THOC7: variants seen among roughly 807,000 people sequenced by gnomAD.
The protein encoded by THOC7 is NIF3L1-binding protein 1.
THOC7 carries 22 observed loss-of-function variants against 33.1 expected under a neutral mutation model. The observed-to-expected ratio is 0.66, with a 90% CI of 0.47 to 0.95. The LOEUF (loss-of-function observed/expected upper bound fraction) is 0.95, where lower values mean the gene tolerates loss of function less well. Among genes scored for constraint, THOC7 ranks in the 40% least tolerant of loss-of-function variants. The pLI is 0.00. For synonymous variants in THOC7, 77 were observed against 76.8 expected, an observed-to-expected ratio of 1.00 and a Z score of -0.01; for missense variants, 184 against 245.3, an observed-to-expected ratio of 0.75 and a Z score of 1.67.
At chr3:63,853,258 G>A (rs574731295) in intron 1 of THOC7, among the ~76,000 whole-genome samples, 1 of 152,108 alleles carries the variant, frequency 6.6e-6, no homozygotes, top group Admixed American at 6.5e-5. Context: ...CAACATTGGG[G>A]TGGCACAAGT....
chr3:63,838,310 G>T, intron 3 of THOC7, 62 bp downstream of exon 3: 1 of 1,167,010 alleles, frequency 8.6e-7, no homozygotes, highest in Non-Finnish European at 1.2e-6. Context: ...ATTGTTAGCA[G>T]GTATTGTTTC....
intron 1 of THOC7, among the ~76,000 whole-genome samples, chr3:63,847,226 T>C (rs1030652871): frequency 1.3e-5 from 2 of 152,210 alleles, no homozygotes; most frequent in African/African-American, 2.4e-5. Context: ...TGGTATGTAT[T>C]GGTATAAATG....
intron 5 of THOC7, 94 bp downstream of exon 5, chr3:63,836,207 C>A: frequency 1.7e-6 from 2 of 1,178,980 alleles, no homozygotes; most frequent in South Asian, 1.5e-5. Flanking sequence ...CCTTTTGAAA[C>A]ATATTTATTT....
chr3:63,861,953 G>A (rs1308651542), intron 1 of THOC7: 1 of 152,094 alleles, frequency 6.6e-6, no homozygotes, highest in Non-Finnish European at 1.5e-5. Context: ...CACTGTGCCA[G>A]ACCAATTTTT....
At chr3:63,858,650 C>T (rs2107166265) in intron 1 of THOC7, among the ~76,000 whole-genome samples, 1 of 152,248 alleles carries the variant, frequency 6.6e-6, no homozygotes, top group South Asian at 2.1e-4. Context: ...ATTTAGCATC[C>T]TTTAAATTAA....
chr3:63,849,159 G>A (rs1475628901), intron 1 of THOC7, among the ~76,000 whole-genome samples: 1 of 152,124 alleles, frequency 6.6e-6, no homozygotes, highest in Non-Finnish European at 1.5e-5. Flanking sequence ...GGCCAAGGCG[G>A]GTGGATCATC....
At chr3:63,834,351 G>A (rs1701583734) in intron 7 of THOC7, 152 bp from the exon 8 acceptor site, 1 of 731,698 alleles carries the variant, frequency 1.4e-6, no homozygotes, top group Non-Finnish European at 2.1e-6. Flanking sequence ...TTATGTGATA[G>A]ACTTCACTTA....
intron 1 of THOC7, among the ~76,000 whole-genome samples, chr3:63,849,228 A>G (rs1432599012): frequency 2.6e-5 from 4 of 152,204 alleles, no homozygotes; most frequent in Non-Finnish European, 4.4e-5. Context: ...CTCTACTAAA[A>G]ATACAATAAA....
intron 1 of THOC7, among the ~76,000 whole-genome samples, chr3:63,847,929 G>A (rs950812573): frequency 6.6e-6 from 1 of 152,114 alleles, no homozygotes; most frequent in Non-Finnish European, 1.5e-5. Flanking sequence ...AGGCCATGAT[G>A]GGAATGGGGG....
Position 63,835,359 on chromosome 3 carries a change from G to A in THOC7, c.442C>T (p.His148Tyr), listed in dbSNP as rs754716011. The A allele has an allele frequency of 2.5e-6, 4 of 1,613,428 alleles. No homozygotes were observed. The East Asian group carries it at 8.9e-5, about 36-fold the overall frequency. ...ELEALGKELE[H>Y]LSHIKESVED... The stretch of plus-strand genomic sequence containing the variant: ...ACACTTTCTTTAATGTGTGAAAGAT[G>A]CTCTAATTCTTTTCCCAGAGCCTCT... The change falls in exon 6 of 8, where the codon CAT becomes TAT. Residue 148 changes from histidine to tyrosine, a missense_variant. Coordinates refer to ENST00000295899, the MANE Select transcript of THOC7 (RefSeq NM_025075.4).
chr3:63,834,692 A>G (rs1013574055), intron 7 of THOC7, among the ~76,000 whole-genome samples: 1 of 151,866 alleles, frequency 6.6e-6, no homozygotes, highest in East Asian at 1.9e-4. Context: ...AATGGGTCTT[A>G]GGCTATTCTT....
At chr3:63,854,026 T>C (rs952368419) in intron 1 of THOC7, among the ~76,000 whole-genome samples, 2 of 152,208 alleles carry the variant, frequency 1.3e-5, no homozygotes, top group African/African-American at 4.8e-5. Flanking sequence ...TTTATGCATA[T>C]CAAGTTTTGC....
intron 1 of THOC7, among the ~76,000 whole-genome samples, chr3:63,840,688 T>C (rs73120894): frequency 0.17 from 25,880 of 152,244 alleles, 2,756 homozygotes; most frequent in East Asian, 0.25. Flanking sequence ...TGAGCTAGTG[T>C]TCTTTCCTGG....
chr3:63,850,775 G>A (rs1702005204), intron 1 of THOC7, among the ~76,000 whole-genome samples: 1 of 151,588 alleles, frequency 6.6e-6, no homozygotes, highest in Non-Finnish European at 1.5e-5. Flanking sequence ...TAATAGAGAT[G>A]GAGTTTCACC....
chr3:63,852,533 GGT>G (rs1271048736), intron 1 of THOC7, among the ~76,000 whole-genome samples: 1 of 152,184 alleles, frequency 6.6e-6, no homozygotes, highest in Admixed American at 6.5e-5. Flanking sequence ...GCAGAGGCTG[GGT>G]GGGGAATGAA....
intron 1 of THOC7, among the ~76,000 whole-genome samples, chr3:63,844,670 A>C (rs762567754): frequency 2.4e-4 from 36 of 152,298 alleles, no homozygotes; most frequent in Middle Eastern, 3.4e-3. Flanking sequence ...TCCTGATAAA[A>C]GGGTGAGTTC....
At chr3:63,855,560 A>G (rs1575814918) in intron 1 of THOC7, among the ~76,000 whole-genome samples, 1 of 152,196 alleles carries the variant, frequency 6.6e-6, no homozygotes, top group East Asian at 1.9e-4. Context: ...CTCTCATTTT[A>G]GCATAAAAGG....
At chr3:63,837,860 T>G in intron 4 of THOC7, 116 bp downstream of exon 4, 2 of 817,150 alleles carry the variant, frequency 2.4e-6, no homozygotes, top group Non-Finnish European at 3.7e-6. Flanking sequence ...AAAATTTGGA[T>G]TTTTTTTAAT....
chr3:63,859,240 A>G (rs1259140089), intron 1 of THOC7, among the ~76,000 whole-genome samples: 2 of 152,244 alleles, frequency 1.3e-5, no homozygotes, highest in Non-Finnish European at 2.9e-5. Context: ...GCAACTCAGA[A>G]TGATCTAAAA....
Sources: gnomAD v4.1 joint callset for allele counts (sites outside exome capture counted in the v4.1 genomes callset) on GRCh38, gnomAD v4.1.1 for gene constraint, MANE v1.5 for transcripts, NCBI Gene and HGNC (gene_info 2026-07-23, HGNC 2026-07-21) for gene names.